CDH23: variants seen among roughly 807,000 people sequenced by gnomAD.
CDH23 encodes the protein cadherin-23.
In CDH23, 189 loss-of-function variants were observed where a neutral mutation model predicts 317.1. That is an observed-to-expected ratio of 0.60 (90% CI 0.53 to 0.67). CDH23 has a LOEUF of 0.67. CDH23 is among the 30% of genes least tolerant of loss of function. CDH23 has a pLI of 0.00. For missense variants in CDH23, 4,401 were observed against 4,592.4 expected, an observed-to-expected ratio of 0.96 and a Z score of 1.20; for synonymous variants, 1,839 against 1,876.8, an observed-to-expected ratio of 0.98 and a Z score of 0.52.
chr10:71,432,364 GGT>G (rs1849422321), intron 1 of CDH23, among the ~76,000 whole-genome samples: 1 of 144,450 alleles, frequency 6.9e-6, no homozygotes, highest in Non-Finnish European at 1.5e-5. Flanking sequence ...TGAGAGTCTG[GGT>G]GTGTGTTTGA....
At chr10:71,664,566 C>G (rs1216191957) in intron 14 of CDH23, among the ~76,000 whole-genome samples, 1 of 152,180 alleles carries the variant, frequency 6.6e-6, no homozygotes, top group Non-Finnish European at 1.5e-5. Flanking sequence ...AGCATGTTTG[C>G]AGAGGGCTGG....
At chr10:71,758,843 A>G (rs1346995631) in intron 38 of CDH23, among the ~76,000 whole-genome samples, 2 of 152,196 alleles carry the variant, frequency 1.3e-5, no homozygotes, top group African/African-American at 4.8e-5. Context: ...CCTGGGCAAC[A>G]TAGCGAGAGT....
At chr10:71,440,812 A>T (rs1849838529) in intron 2 of CDH23, among the ~76,000 whole-genome samples, 2 of 152,152 alleles carry the variant, frequency 1.3e-5, no homozygotes, top group African/African-American at 4.8e-5. Context: ...GCATCCCCAG[A>T]GAAGAGCCGT....
chr10:71,416,677 A>G (rs1476304963), intron 1 of CDH23, among the ~76,000 whole-genome samples: 1 of 151,720 alleles, frequency 6.6e-6, no homozygotes, highest in Non-Finnish European at 1.5e-5. Context: ...TTTGCTTTTT[A>G]TTTTTAGAGA....
rs1234887 is a variant in CDH23 at position 71,677,263 on chromosome 10, A to G, written c.1515-193A>G. 0.62 allele frequency among the ~76,000 whole-genome samples: 94,318 copies of G among 151,244 alleles called. 30,077 individuals are homozygous for G. Among genetic ancestry groups the G allele is most frequent in the East Asian group, 0.73 (3,711 of 5,100 alleles). Reference sequence around the variant, plus strand: ...CTCCTGCCCACCTCGTGTGATCCTGATCCCCGCCACCCACCCACCCCCTTT... The same window carrying G: ...CTCCTGCCCACCTCGTGTGATCCTGGTCCCCGCCACCCACCCACCCCCTTT... On this transcript the variant is annotated intron_variant, in intron 15 of 69. Transcript: ENST00000224721.
intron 1 of CDH23, among the ~76,000 whole-genome samples, chr10:71,420,869 T>A (rs575841761): frequency 3.9e-5 from 6 of 151,946 alleles, no homozygotes; most frequent in Non-Finnish European, 7.4e-5. Context: ...ACCACCCCCA[T>A]CCGGAAGGTA....
At chr10:71,672,265 G>A (rs1255767190) in intron 14 of CDH23, among the ~76,000 whole-genome samples, 1 of 152,082 alleles carries the variant, frequency 6.6e-6, no homozygotes, top group Admixed American at 6.5e-5. Context: ...CAGAGATGAG[G>A]CTAGACATTC....
chr10:71,689,077 C>T (rs139473382), intron 19 of CDH23, among the ~76,000 whole-genome samples: 3,776 of 14,954 alleles, frequency 0.25, 1 homozygote, highest in South Asian at 0.31. Context: ...GGTGGTGGAG[C>T]CAGGGGTGGT....
chr10:71,752,843 C>G, intron 38 of CDH23: 1 of 1,107,628 alleles, frequency 9.0e-7, no homozygotes, highest in Non-Finnish European at 1.3e-6. Flanking sequence ...GTGCAGGCTT[C>G]AGCAGCAGAT....
chr10:71,797,794 G>T (rs59697568), intron 49 of CDH23, among the ~76,000 whole-genome samples: 1 of 151,914 alleles, frequency 6.6e-6, no homozygotes, highest in South Asian at 2.1e-4. Context: ...GGCTGCCAGA[G>T]GGGTGGATTT....
intron 69 of CDH23, among the ~76,000 whole-genome samples, chr10:71,814,729 C>A (rs1842068758): frequency 6.6e-6 from 1 of 151,848 alleles, no homozygotes; most frequent in Non-Finnish European, 1.5e-5. Flanking sequence ...CACACACACA[C>A]ACACACAGAT....
chr10:71,434,210 T>A (rs1849520859), intron 1 of CDH23, among the ~76,000 whole-genome samples: 1 of 152,216 alleles, frequency 6.6e-6, no homozygotes, highest in Non-Finnish European at 1.5e-5. Context: ...TGCTCATATG[T>A]CACCTCCCCA....
chr10:71,542,268 G>A (rs1030324406), intron 6 of CDH23, among the ~76,000 whole-genome samples: 10 of 152,176 alleles, frequency 6.6e-5, no homozygotes, highest in Admixed American at 2.0e-4. Flanking sequence ...AGCTCTGCTC[G>A]CTCCATGTGA....
intron 6 of CDH23, among the ~76,000 whole-genome samples, chr10:71,550,572 A>AAG (rs1393751631): frequency 8.4e-4 from 95 of 113,406 alleles, no homozygotes; most frequent in East Asian, 1.8e-3. Context: ...AAAAAAAAAA[A>AAG]AAAAAGAAAA....
At chr10:71,698,180 A>G (rs987154088) in intron 22 of CDH23, among the ~76,000 whole-genome samples, 2 of 152,214 alleles carry the variant, frequency 1.3e-5, no homozygotes, top group African/African-American at 4.8e-5. Context: ...TTGCCAGGAA[A>G]TCAGAAATCA....
intron 3 of CDH23, among the ~76,000 whole-genome samples, chr10:71,471,499 C>T (rs1421704095): frequency 2.0e-5 from 3 of 151,896 alleles, no homozygotes; most frequent in East Asian, 3.9e-4. Context: ...CTCTGTGGTG[C>T]GATTTCCCTC....
chr10:71,545,570 C>A (rs1021917857), intron 6 of CDH23, among the ~76,000 whole-genome samples: 2 of 152,184 alleles, frequency 1.3e-5, no homozygotes, highest in African/African-American at 4.8e-5. Context: ...TTCATTTATT[C>A]ATTCAAGAAA....
At chr10:71,668,535 C>T (rs1023380865) in intron 14 of CDH23, among the ~76,000 whole-genome samples, 1 of 152,204 alleles carries the variant, frequency 6.6e-6, no homozygotes, top group Non-Finnish European at 1.5e-5. Context: ...CTGGCCAAGT[C>T]GATTGATCTC....
intron 47 of CDH23, 87 bp from the exon 48 acceptor site, chr10:71,793,082 ATGAGAAGGGGACT>A (rs1312657626): frequency 1.2e-5 from 10 of 860,894 alleles, no homozygotes; most frequent in Non-Finnish European, 1.8e-5. Flanking sequence ...CAAGGCTGTC[ATGAGAAGGGGACT>A]TGAGAAGATC....
Sources: allele counts gnomAD v4.1 joint callset (sites outside exome capture counted in the v4.1 genomes callset), GRCh38; gene constraint gnomAD v4.1.1; transcripts MANE v1.5; gene names NCBI Gene and HGNC (gene_info 2026-07-23, HGNC 2026-07-21).